The following COG3 variants were observed in gnomAD, a reference collection of about 807,000 sequenced individuals.
The protein encoded by COG3 is component of oligomeric golgi complex 3.
COG3 carries 32 observed loss-of-function variants against 114.1 expected under a neutral mutation model. The ratio of observed to expected loss-of-function variants is 0.28; its 90% CI spans 0.21 to 0.38. The LOEUF (loss-of-function observed/expected upper bound fraction) is 0.38, where lower values mean the gene tolerates loss of function less well. Ranked by LOEUF, COG3 falls within the 10% of genes least tolerant of loss-of-function variation. The probability of loss-of-function intolerance (pLI) is 1.00; values close to 1 mark genes in which losing one functional copy is unlikely to be tolerated. For missense variants in COG3, 813 were observed against 973.2 expected (o/e 0.84, Z 2.19); for synonymous variants, 352 against 365.7 (o/e 0.96, Z 0.43).
chr13:45,522,940 G>A (rs113159609), intron 19 of COG3, among the ~76,000 whole-genome samples: 1 of 152,180 alleles, frequency 6.6e-6, no homozygotes, highest in African/African-American at 2.4e-5. Context: ...CCTAGATCCT[G>A]CAACTGCGTC....
At chr13:45,516,314 T>C (rs993833357) in intron 17 of COG3, 51 bp downstream of exon 17, 2 of 1,423,674 alleles carry the variant, frequency 1.4e-6, no homozygotes, top group Non-Finnish European at 1.9e-6. Context: ...TCTGTCCAGA[T>C]GTGTCAGCAC....
intron 15 of COG3, among the ~76,000 whole-genome samples, chr13:45,511,158 GT>G (rs11352257): frequency 0.71 from 105,291 of 147,624 alleles, 38,654 homozygotes; most frequent in Admixed American, 0.81. Flanking sequence ...TTGGTAACCT[GT>G]TTTTTTTTTT....
At chr13:45,501,767 CAGCATTTTG>C (rs965107301) in intron 13 of COG3, among the ~76,000 whole-genome samples, 3 of 152,138 alleles carry the variant, frequency 2.0e-5, no homozygotes, top group Non-Finnish European at 4.4e-5. Context: ...AAATCCTCAC[CAGCATTTTG>C]ACTTAACCTA....
chr13:45,483,207 A>C, intron 6 of COG3, 23 bp from the exon 7 acceptor site: 1 of 1,561,684 alleles, frequency 6.4e-7, no homozygotes, highest in Non-Finnish European at 8.8e-7. Context: ...TCCACTTTGT[A>C]AATCTTTCTC....
chr13:45,496,418 C>G (rs1868782593), intron 13 of COG3, 106 bp downstream of exon 13: 2 of 893,568 alleles, frequency 2.2e-6, no homozygotes, highest in Non-Finnish European at 2.9e-6. Context: ...CAGGGTTTCC[C>G]CTTGTTGCCC....
chr13:45,506,431 A>T lies in COG3; in HGVS notation c.1594+3082A>T, dbSNP rs560693778. Among the ~76,000 whole-genome samples, 11 of 152,268 alleles carry T rather than the reference A, an allele frequency of 7.2e-5. 1 individual carries two copies. The South Asian group carries it at 2.3e-3, about 32-fold the overall frequency. On this transcript the variant is annotated intron_variant, in intron 14 of 22. Coordinates refer to ENST00000349995, the MANE Select transcript of COG3 (RefSeq NM_031431.4). Reference sequence around the variant, plus strand: ...GTAGTTTGCGTAAACAGGTGAGAAGATCGAAATCTCAAGAACATTGTAGTT... The same window carrying T: ...GTAGTTTGCGTAAACAGGTGAGAAGTTCGAAATCTCAAGAACATTGTAGTT...
At chr13:45,494,950 A>G (rs1447029642) in intron 12 of COG3, among the ~76,000 whole-genome samples, 6 of 139,314 alleles carry the variant, frequency 4.3e-5, no homozygotes, top group African/African-American at 1.6e-4. Context: ...GGTTCAAGTG[A>G]TTCTCCTGCC....
At chr13:45,506,256 TCTTGGG>T in intron 14 of COG3, among the ~76,000 whole-genome samples, 1 of 151,806 alleles carries the variant, frequency 6.6e-6, no homozygotes, top group African/African-American at 2.4e-5. Context: ...GTAGCAGACG[TCTTGGG>T]AGAGAAACTG....
At chr13:45,512,936 A>G (rs957778285) in intron 16 of COG3, among the ~76,000 whole-genome samples, 18 of 151,726 alleles carry the variant, frequency 1.2e-4, no homozygotes, top group African/African-American at 4.4e-4. Context: ...TTAATCCAGA[A>G]GGGATCTGGG....
chr13:45,532,631 G>C (rs1024428573), intron 22 of COG3, among the ~76,000 whole-genome samples: 7 of 139,440 alleles, frequency 5.0e-5, no homozygotes, highest in African/African-American at 1.9e-4. Flanking sequence ...GTGCAGTGGC[G>C]TGATCTCGGC....
intron 14 of COG3, among the ~76,000 whole-genome samples, chr13:45,506,432 T>C (rs1396215539): frequency 1.3e-5 from 2 of 151,968 alleles, no homozygotes; most frequent in African/African-American, 4.8e-5. Context: ...GGTGAGAAGA[T>C]CGAAATCTCA....
Position 45,535,458 on chromosome 13 carries a change from T to C in COG3, c.*727T>C. On this transcript the variant is annotated 3_prime_UTR_variant, in exon 23 of 23. Coordinates refer to ENST00000349995, the MANE Select transcript of COG3 (RefSeq NM_031431.4). ...GCAGTATCTTTAATGAGTATCTTCA[T>C]GGTATGATAGTGTGTGTTTGTGAGT... 1.0e-6 allele frequency: 1 copy of C among 985,474 alleles called. No individual in the cohort carries two copies. The highest frequency in any genetic ancestry group is 4.7e-5 in the South Asian group (1 of 21,290). The allele number at this position is 985,474 out of a possible 1,614,324, so 61.0% of individuals were successfully genotyped here. A position where few individuals can be genotyped will look rare whatever the true frequency, so the allele number is the denominator to read the frequency against.
chr13:45,500,129 G>C (rs1869369365), intron 13 of COG3, among the ~76,000 whole-genome samples: 1 of 144,048 alleles, frequency 6.9e-6, no homozygotes, highest in African/African-American at 2.6e-5. Flanking sequence ...AAAGAGGCCT[G>C]ATTATTTTAT....
intron 1 of COG3, 179 bp downstream of exon 1, chr13:45,465,389 T>C: frequency 9.3e-7 from 1 of 1,076,276 alleles, no homozygotes; most frequent in Non-Finnish European, 1.3e-6. Flanking sequence ...TCGCTCTGCC[T>C]GCGACCCCGA....
In COG3 at chr13:45,465,041, C is replaced by T. The variant is rs760744868; in HGVS notation, c.5C>T (p.Ala2Val). The T allele has an allele frequency of 1.7e-4, 266 of 1,571,412 alleles. No homozygotes were observed. Among genetic ancestry groups the T allele is most frequent in the Admixed American group, 3.0e-4 (16 of 53,050 alleles). MAEAALLLLPEA... is the reference protein window; with the variant it reads MVEAALLLLPEA... ...AAGGCCGCGAGGGCGGCGGCGATGG[C>T]GGAGGCGGCGCTGTTGCTGCTGCCT... The change falls in exon 1 of 23, where the codon GCG becomes GTG. Residue 2 changes from alanine to valine, a missense_variant. Transcript: ENST00000349995.
At chr13:45,503,070 G>T (rs1429245550) in intron 13 of COG3, among the ~76,000 whole-genome samples, 174 bp from the exon 14 acceptor site, 2 of 152,112 alleles carry the variant, frequency 1.3e-5, no homozygotes, top group Non-Finnish European at 2.9e-5. Flanking sequence ...ATTTGGATTG[G>T]CCAGTTACTT....
chr13:45,473,996 A>G (rs763735929), intron 1 of COG3, among the ~76,000 whole-genome samples: 10 of 152,198 alleles, frequency 6.6e-5, no homozygotes, highest in Non-Finnish European at 1.3e-4. Context: ...TGCCCTTAAT[A>G]AGAACTGTTT....
At chr13:45,473,590 A>G (rs1480898344) in intron 1 of COG3, among the ~76,000 whole-genome samples, 2 of 152,312 alleles carry the variant, frequency 1.3e-5, no homozygotes. Flanking sequence ...AGTTGATTAG[A>G]TTTATAAACT....
chr13:45,465,404 A>C (rs1885074734), intron 1 of COG3, 194 bp downstream of exon 1: 4 of 960,804 alleles, frequency 4.2e-6, no homozygotes, highest in Non-Finnish European at 4.4e-6. Context: ...CCCCGACTCT[A>C]ATTCTGCCTG....
Sources: gnomAD v4.1 joint callset for allele counts (sites outside exome capture counted in the v4.1 genomes callset) on GRCh38, gnomAD v4.1.1 for gene constraint, MANE v1.5 for transcripts, NCBI Gene and HGNC (gene_info 2026-07-23, HGNC 2026-07-21) for gene names.